RPSA2: variants seen among roughly 807,000 people sequenced by gnomAD.
RPSA2 encodes the protein ribosomal protein SA 2.
chr19:23,765,044 CT>C, the RPSA2 span, among the ~76,000 whole-genome samples: 2 of 152,172 alleles, frequency 1.3e-5, no homozygotes, highest in African/African-American at 2.4e-5. Context: ...AGAGGACAGT[CT>C]GAGGAGTAAG....
the RPSA2 span, among the ~76,000 whole-genome samples, chr19:23,853,119 G>A: frequency 1.3e-5 from 2 of 152,238 alleles, no homozygotes; most frequent in East Asian, 1.9e-4. Flanking sequence ...CCCTGAGGAA[G>A]TACTTTCCAT....
chr19:23,817,138 T>G, the RPSA2 span, among the ~76,000 whole-genome samples: 1 of 152,210 alleles, frequency 6.6e-6, no homozygotes, highest in Non-Finnish European at 1.5e-5. Context: ...TCCCAACACT[T>G]TGGGAGGCCG....
chr19:23,836,079 G>A, the RPSA2 span, among the ~76,000 whole-genome samples: 1 of 152,124 alleles, frequency 6.6e-6, no homozygotes, highest in South Asian at 2.1e-4. Context: ...TGATTTGTGA[G>A]ATCTTGGTGC....
At chr19:23,798,949 C>A in the RPSA2 span, 2 of 152,096 alleles carry the variant, frequency 1.3e-5, no homozygotes, top group African/African-American at 4.8e-5. Context: ...TGGAAGTTGT[C>A]AGATATATTT....
At chr19:23,814,907 A>G in the RPSA2 span, among the ~76,000 whole-genome samples, 1 of 152,238 alleles carries the variant, frequency 6.6e-6, no homozygotes, top group African/African-American at 2.4e-5. Flanking sequence ...GTGTACTGCC[A>G]TGATTTTGCC....
chr19:23,788,936 TGA>T, the RPSA2 span, among the ~76,000 whole-genome samples: 3 of 151,984 alleles, frequency 2.0e-5, no homozygotes, highest in Non-Finnish European at 4.4e-5. Context: ...TGTTGCTCAC[TGA>T]GAGCTTTGTA....
At chr19:23,869,232 C>T in the RPSA2 span, among the ~76,000 whole-genome samples, 7 of 152,258 alleles carry the variant, frequency 4.6e-5, no homozygotes, top group East Asian at 1.9e-4. Flanking sequence ...AGAACAATGT[C>T]GTCAATTATA....
chr19:23,847,619 G>A, the RPSA2 span, among the ~76,000 whole-genome samples: 17 of 152,166 alleles, frequency 1.1e-4, no homozygotes, highest in African/African-American at 2.7e-4. Context: ...AGTGGTGCAC[G>A]TATTGTCTTG....
chr19:23,780,157 T>C, the RPSA2 span, among the ~76,000 whole-genome samples: 1 of 152,132 alleles, frequency 6.6e-6, no homozygotes, highest in Non-Finnish European at 1.5e-5. Flanking sequence ...ATGAAGGTTA[T>C]AGAGAATTAC....
the RPSA2 span, among the ~76,000 whole-genome samples, chr19:23,789,404 A>G: frequency 6.6e-6 from 1 of 152,052 alleles, no homozygotes; most frequent in Non-Finnish European, 1.5e-5. Flanking sequence ...TTTCCTTCAA[A>G]AAAGATTGTA....
the RPSA2 span, among the ~76,000 whole-genome samples, chr19:23,786,074 T>C: frequency 6.6e-6 from 1 of 152,338 alleles, no homozygotes; most frequent in Middle Eastern, 3.4e-3. Flanking sequence ...GTTGGAATGA[T>C]GATTTATTTC....
At chr19:23,866,061 G>A in the RPSA2 span, among the ~76,000 whole-genome samples, 1 of 152,168 alleles carries the variant, frequency 6.6e-6, no homozygotes. Flanking sequence ...AAACACTACA[G>A]AGGAAATGTT....
the RPSA2 span, among the ~76,000 whole-genome samples, chr19:23,849,581 G>A: frequency 4.6e-5 from 7 of 152,230 alleles, no homozygotes; most frequent in Admixed American, 3.9e-4. Flanking sequence ...AATATCATAC[G>A]AGGCCTCAGG....
chr19:23,843,220 G>A, the RPSA2 span: 1 of 263,478 alleles, frequency 3.8e-6, no homozygotes, highest in Non-Finnish European at 7.9e-6. Flanking sequence ...CCTGCCTTGA[G>A]CAAATAAAAG....
At chr19:23,869,213 T>A in the RPSA2 span, among the ~76,000 whole-genome samples, 17 of 152,144 alleles carry the variant, frequency 1.1e-4, no homozygotes, top group Non-Finnish European at 2.1e-4. Flanking sequence ...ATAGAACAGT[T>A]AGACTCTCAG....
At chr19:23,825,049 A>G in the RPSA2 span, among the ~76,000 whole-genome samples, 2 of 152,036 alleles carry the variant, frequency 1.3e-5, no homozygotes, top group African/African-American at 4.8e-5. Flanking sequence ...GCACAATCTC[A>G]GCTCATGGCA....
At chr19:23,811,005 A>ATT in the RPSA2 span, among the ~76,000 whole-genome samples, 1 of 141,248 alleles carries the variant, frequency 7.1e-6, no homozygotes, top group African/African-American at 2.6e-5. Context: ...TCTTAAAGGC[A>ATT]CTTTTTTTTT....
chr19:23,773,773 T>A, the RPSA2 span, among the ~76,000 whole-genome samples: 2 of 152,150 alleles, frequency 1.3e-5, no homozygotes, highest in African/African-American at 4.8e-5. Context: ...AGCACACCTG[T>A]GAGTCTGTGA....
At chr19:23,808,978 A>C in the RPSA2 span, 3 of 198,926 alleles carry the variant, frequency 1.5e-5, no homozygotes, top group African/African-American at 7.1e-5. Flanking sequence ...CTTATGTCTT[A>C]TGTTTATAAA....
Sources: gnomAD v4.1 joint callset for allele counts (sites outside exome capture counted in the v4.1 genomes callset) on GRCh38, gnomAD v4.1.1 for gene constraint, MANE v1.5 for transcripts, NCBI Gene and HGNC (gene_info 2026-07-23, HGNC 2026-07-21) for gene names.